BRSK2: variants seen among roughly 807,000 people sequenced by gnomAD.
The protein encoded by BRSK2 is serine/threonine-protein kinase BRSK2.
A neutral mutation model predicts 83.3 loss-of-function variants in BRSK2; 19 were observed. The ratio of observed to expected loss-of-function variants is 0.23; its 90% CI spans 0.16 to 0.33. The LOEUF is 0.33. Ranked by LOEUF, BRSK2 falls within the 10% of genes least tolerant of loss-of-function variation. The pLI is 1.00. For missense variants in BRSK2, 798 were observed against 1,042.3 expected, an observed-to-expected ratio of 0.77 and a Z score of 3.23; for synonymous variants, 519 against 435.4, an observed-to-expected ratio of 1.19 and a Z score of -2.39.
Position 1,454,245 on chromosome 11 carries a change from A to C in BRSK2, c.1545-240A>C. 2.3e-6 allele frequency: 1 copy of C among 428,442 alleles called. No individual in the cohort carries two copies. Among genetic ancestry groups the C allele is most frequent in the East Asian group, 4.7e-5 (1 of 21,298 alleles). The allele number at this position is 428,442 out of a possible 1,614,324, so 26.5% of individuals were successfully genotyped here. On this transcript the variant is annotated intron_variant, in intron 15 of 19. Coordinates refer to ENST00000528841, the MANE Select transcript of BRSK2 (RefSeq NM_001256627.2). The surrounding 1 kb of genome is among the most constrained non-coding windows in gnomAD (Gnocchi z 5.2). ...GCATATGGGCCAGGGTCAGGGCGTT[A>C]GGGCTTGGAGAAAGGTTAGGGTTGG...
intron 5 of BRSK2, among the ~76,000 whole-genome samples, 183 bp downstream of exon 5, chr11:1,442,789 C>T (rs918571601): frequency 2.6e-5 from 4 of 152,090 alleles, no homozygotes; most frequent in Admixed American, 6.5e-5. Context: ...ACAGGCCTCC[C>T]GGCACAGTAA....
intron 1 of BRSK2, among the ~76,000 whole-genome samples, chr11:1,391,435 G>A (rs1845726259): frequency 6.6e-6 from 1 of 152,226 alleles, no homozygotes; most frequent in South Asian, 2.1e-4. Flanking sequence ...GCTGGGAGGT[G>A]GCGTTGGGGA....
rs1847445563 is a variant in BRSK2, at chr11:1,461,080, G to A, written c.*357G>A. ...GCTCCTGCTGTTGCTGCCGGGCAGT[G>A]AGGCCCAGCCCAGCGCCCCGTCCAC... is the stretch of plus-strand genomic sequence containing the variant. On this transcript the variant is annotated 3_prime_UTR_variant, in exon 20 of 20. Coordinates refer to ENST00000528841, the MANE Select transcript of BRSK2 (RefSeq NM_001256627.2). 6.4e-7 allele frequency: 1 copy of A among 1,571,222 alleles called. No homozygotes were observed. Among genetic ancestry groups the A allele is most frequent in the Non-Finnish European group, 8.7e-7 (1 of 1,150,974 alleles).
At chr11:1,449,639 A>G (rs1845559567) in intron 12 of BRSK2, 137 bp from the exon 13 acceptor site, 1 of 685,130 alleles carries the variant, frequency 1.5e-6, no homozygotes, top group African/African-American at 1.8e-5. Flanking sequence ...CAGGGTGTGC[A>G]GCAGGACCCA....
chr11:1,459,286 C>A, intron 19 of BRSK2, 47 bp downstream of exon 19: 1 of 1,605,464 alleles, frequency 6.2e-7, no homozygotes. Context: ...GCCACTTCAC[C>A]GCTCACCCTC....
rs1845656904 is a variant in BRSK2, at chr11:1,390,541, T to G, written c.91+166T>G. ...GCCCCCGTCCGCTCGTGCGCCCCGGTTCCGCCGCGGATCCCGCAGGCCGCT... is the reference window on the plus strand; with the variant it reads ...GCCCCCGTCCGCTCGTGCGCCCCGGGTCCGCCGCGGATCCCGCAGGCCGCT... On this transcript the variant is annotated intron_variant, in intron 1 of 19. Coordinates refer to ENST00000528841, the MANE Select transcript of BRSK2 (RefSeq NM_001256627.2). This position sits in a 1 kb window ranked among gnomAD's most constrained non-coding sequence, Gnocchi z 6.8. Among the ~76,000 whole-genome samples, 1 of 138,488 alleles carries G rather than the reference T, an allele frequency of 7.2e-6. No homozygotes were observed. The highest frequency in any genetic ancestry group is 1.6e-5 in the Non-Finnish European group (1 of 63,552). 90.9% of individuals were successfully genotyped at this position (138,488 alleles called of 152,430 possible). A position where few individuals can be genotyped will look rare whatever the true frequency, so the allele number is the denominator to read the frequency against.
In BRSK2 at chr11:1,454,875, T is replaced by C. The variant is rs920091861; in HGVS notation, c.1668+267T>C. 2.0e-5 allele frequency among the ~76,000 whole-genome samples: 3 copies of C among 152,156 alleles called. No homozygotes were observed. The highest frequency in any genetic ancestry group is 4.4e-5 in the Non-Finnish European group (3 of 68,020). ...CACTGGTCCCCAGCAGCCCTAGGTG[T>C]GTGCCGGACAGGCCTGGGCAGCTGG... On this transcript the variant is annotated intron_variant, in intron 16 of 19. Transcript: ENST00000528841. The surrounding 1 kb of genome is among the most constrained non-coding windows in gnomAD (Gnocchi z 5.2).
chr11:1,425,879 A>G (rs1849156256), intron 1 of BRSK2, among the ~76,000 whole-genome samples: 1 of 151,338 alleles, frequency 6.6e-6, no homozygotes, highest in African/African-American at 2.4e-5. Context: ...GCGTGGGGGG[A>G]ACGCTGAGTT....
chr11:1,460,736 C>CCA lies in BRSK2; in HGVS notation c.*14_*15insAC, dbSNP rs912033327. ...CGAGCAGCCTTAGACACACTAGCCC[C>CCA]CCCCCCCAGCACAGCACTGACAGCG... On this transcript the variant is annotated 3_prime_UTR_variant, in exon 20 of 20. Transcript: ENST00000528841. 15 of 1,405,950 alleles carry CCA rather than the reference C, an allele frequency of 1.1e-5. No individual in the cohort carries two copies. The highest frequency in any genetic ancestry group is 1.4e-5 in the Non-Finnish European group (15 of 1,070,166). The allele number at this position is 1,405,950 out of a possible 1,614,324, so 87.1% of individuals were successfully genotyped here.
rs1845679880 is a variant in BRSK2, at chr11:1,390,833, C to T, written c.91+458C>T. On this transcript the variant is annotated intron_variant, in intron 1 of 19. Coordinates refer to ENST00000528841, the MANE Select transcript of BRSK2 (RefSeq NM_001256627.2). This position sits in a 1 kb window ranked among gnomAD's most constrained non-coding sequence, Gnocchi z 6.8. ...GGGACTCCCACCTCCGCGCGCCGGC[C>T]ACCGGGGCCTCCGGGCAGGCCCGAT... Among the ~76,000 whole-genome samples, 1 of 152,138 alleles carries T rather than the reference C, an allele frequency of 6.6e-6. No homozygotes were observed. The highest frequency in any genetic ancestry group is 2.1e-4 in the South Asian group (1 of 4,834).
intron 1 of BRSK2, among the ~76,000 whole-genome samples, chr11:1,412,755 G>A (rs1446617586): frequency 6.6e-6 from 1 of 152,190 alleles, no homozygotes; most frequent in Non-Finnish European, 1.5e-5. Flanking sequence ...CCTGCCTGCT[G>A]GGAGTGGGCA....
intron 13 of BRSK2, among the ~76,000 whole-genome samples, chr11:1,450,341 C>T (rs911407101): frequency 6.6e-6 from 1 of 152,150 alleles, no homozygotes; most frequent in African/African-American, 2.4e-5. Context: ...ACACGTCCTC[C>T]CTCTGCAGGC....
chr11:1,437,968 C>T lies in BRSK2; in HGVS notation c.187-338C>T, dbSNP rs184801003. ...GCGGCCTGGGCTCCCTCCACTGAGG[C>T]CCCTGCCCTCTGCCCTCTCCACCAG... On this transcript the variant is annotated intron_variant, in intron 2 of 19. Coordinates refer to ENST00000528841, the MANE Select transcript of BRSK2 (RefSeq NM_001256627.2). Among the ~76,000 whole-genome samples the T allele has an allele frequency of 2.1e-4, 32 of 152,226 alleles. No homozygotes were observed. In the East Asian group the frequency reaches 5.2e-3, roughly 25 times the overall value.
At chr11:1,392,609 T>TG (rs1845795738) in intron 1 of BRSK2, among the ~76,000 whole-genome samples, 1 of 152,168 alleles carries the variant, frequency 6.6e-6, no homozygotes, top group African/African-American at 2.4e-5. Context: ...TGGGGCCTGC[T>TG]GGACGGTGGG....
rs200210496 is a variant in BRSK2, at chr11:1,438,415, G to T, written c.272+24G>T. ...TTGTAGGTATTGCTGGGTCTGAAGA[G>T]CTGGGGTGGCGGAGGTGGCAGCTGT... On this transcript the variant is annotated intron_variant, in intron 3 of 19. Coordinates refer to ENST00000528841, the MANE Select transcript of BRSK2 (RefSeq NM_001256627.2). The surrounding 1 kb of genome is among the most constrained non-coding windows in gnomAD (Gnocchi z 6.4). 1,233 of 1,609,382 alleles carry T rather than the reference G, an allele frequency of 7.7e-4. 7 individuals are homozygous for T. In the African/African-American group the frequency reaches 0.015, roughly 20 times the overall value.
intron 1 of BRSK2, among the ~76,000 whole-genome samples, chr11:1,424,878 C>T (rs1849025625): frequency 6.6e-6 from 1 of 152,194 alleles, no homozygotes. Context: ...GCTTCCCCTT[C>T]CTGGGGCTCA....
intron 1 of BRSK2, among the ~76,000 whole-genome samples, chr11:1,434,673 G>A (rs886581159): frequency 1.2e-4 from 17 of 146,136 alleles, no homozygotes; most frequent in African/African-American, 4.2e-4. Context: ...AACCTGGGCC[G>A]GCTCTGGGTG....
Position 1,456,660 on chromosome 11 carries a change from G to T in BRSK2, c.1912G>T (p.Asp638Tyr). 1 of 1,608,184 alleles carries T rather than the reference G, an allele frequency of 6.2e-7. No homozygotes were observed. Among genetic ancestry groups the T allele is most frequent in the Non-Finnish European group, 8.5e-7 (1 of 1,178,004 alleles). The part of the protein sequence containing the change: ...TIQAQLLSTH[D>Y]PPAAQHLSDT... ...CCAGGCCCAGCTGCTGAGCACACAC[G>T]ACCCGCCTGCGGCCCAGCACTTGTC... Residue 638 changes from aspartate (D) to tyrosine (Y), a missense_variant, in exon 18 of 20, where the codon GAC (aspartate) becomes TAC (tyrosine). Asp to Tyr is a radical substitution (Grantham distance 160, BLOSUM62 -3). Around this residue, in one of 6 missense-constraint regions of BRSK2, gnomAD observed 455 missense variants for 455.2 expected, o/e 1.00. Transcript: ENST00000528841.
chr11:1,448,444 C>T (rs1158032649), intron 12 of BRSK2, among the ~76,000 whole-genome samples: 1 of 152,244 alleles, frequency 6.6e-6, no homozygotes, highest in African/African-American at 2.4e-5. Context: ...CCTGGCTGCC[C>T]TCAGGGCTGG....
Sources: allele counts gnomAD v4.1 joint callset (sites outside exome capture counted in the v4.1 genomes callset), GRCh38; gene constraint gnomAD v4.1.1; regional missense constraint gnomAD v4.1.1; non-coding constraint Gnocchi (gnomAD v3.1); transcripts MANE v1.5; gene names NCBI Gene and HGNC (gene_info 2026-07-23, HGNC 2026-07-21).